BRINP3: variants seen among roughly 807,000 people sequenced by gnomAD.
BRINP3 encodes the protein BMP/retinoic acid inducible neural specific 3.
A neutral mutation model predicts 71.0 loss-of-function variants in BRINP3; 19 were observed. That is an observed-to-expected ratio of 0.27 (90% CI 0.19 to 0.39). The LOEUF (loss-of-function observed/expected upper bound fraction) is 0.39, where lower values mean the gene tolerates loss of function less well. Ranked by LOEUF, BRINP3 falls within the 10% of genes least tolerant of loss-of-function variation. The pLI is 1.00. For synonymous variants in BRINP3, 380 were observed against 337.7 expected, an observed-to-expected ratio of 1.13 and a Z score of -1.37; for missense variants, 959 against 940.8, an observed-to-expected ratio of 1.02 and a Z score of -0.25.
chr1:190,310,603 A>C (rs1214005262), intron 2 of BRINP3, among the ~76,000 whole-genome samples: 1 of 151,716 alleles, frequency 6.6e-6, no homozygotes, highest in Non-Finnish European at 1.5e-5. Context: ...GTTATGGCCA[A>C]CTTAATGCAT....
intron 2 of BRINP3, among the ~76,000 whole-genome samples, chr1:190,382,181 GA>G (rs60466724): frequency 0.37 from 54,943 of 150,026 alleles, 10,999 homozygotes; most frequent in Admixed American, 0.48. Flanking sequence ...TACAAAATCA[GA>G]AAAAAAAAAT....
intron 4 of BRINP3, among the ~76,000 whole-genome samples, chr1:190,245,434 G>C (rs543907677): frequency 2.0e-5 from 3 of 151,684 alleles, no homozygotes; most frequent in African/African-American, 7.2e-5. Context: ...AATTCTAAGT[G>C]CCAGGGGAAA....
chr1:190,320,689 A>T (rs1666179552), intron 2 of BRINP3, among the ~76,000 whole-genome samples: 2 of 151,864 alleles, frequency 1.3e-5, no homozygotes, highest in Admixed American at 6.6e-5. Context: ...ACACACACAC[A>T]CACTCACTCA....
At chr1:190,434,732 G>C (rs1339920287) in intron 2 of BRINP3, among the ~76,000 whole-genome samples, 1 of 151,884 alleles carries the variant, frequency 6.6e-6, no homozygotes, top group Admixed American at 6.6e-5. Flanking sequence ...TCAGTTCCTG[G>C]AATATGAACA....
At chr1:190,141,863 C>T (rs1437978437) in intron 7 of BRINP3, among the ~76,000 whole-genome samples, 1 of 151,804 alleles carries the variant, frequency 6.6e-6, no homozygotes, top group East Asian at 1.9e-4. Context: ...TAGCCTTAAT[C>T]CTCATTATTT....
chr1:190,375,644 C>G (rs1431468477), intron 2 of BRINP3, among the ~76,000 whole-genome samples: 3 of 151,896 alleles, frequency 2.0e-5, no homozygotes, highest in Non-Finnish European at 4.4e-5. Context: ...GTCACAAGTT[C>G]ATCACCTCAT....
At chr1:190,448,465 GT>G (rs781272747) in intron 2 of BRINP3, among the ~76,000 whole-genome samples, 14,642 of 135,260 alleles carry the variant, frequency 0.11, 807 homozygotes, top group Non-Finnish European at 0.12. Flanking sequence ...CTTGGGGTTT[GT>G]GTGTGTGTGT....
chr1:190,296,479 T>C (rs1377873636), intron 2 of BRINP3, among the ~76,000 whole-genome samples: 1 of 152,138 alleles, frequency 6.6e-6, no homozygotes, highest in East Asian at 1.9e-4. Context: ...TGGTGAAAAA[T>C]GAAAAGCTTT....
chr1:190,224,660 C>A (rs182725972), intron 6 of BRINP3, among the ~76,000 whole-genome samples: 1 of 151,924 alleles, frequency 6.6e-6, no homozygotes, highest in Admixed American at 6.6e-5. Context: ...TAAAAAGCCT[C>A]TGTACAGTAA....
chr1:190,200,235 C>T (rs1355690649), intron 6 of BRINP3, among the ~76,000 whole-genome samples: 1 of 152,058 alleles, frequency 6.6e-6, no homozygotes, highest in Non-Finnish European at 1.5e-5. Flanking sequence ...TGGCTACTAG[C>T]ACCTCTTCCT....
intron 1 of BRINP3, among the ~76,000 whole-genome samples, chr1:190,456,288 T>A (rs1481637296): frequency 6.6e-6 from 1 of 152,182 alleles, no homozygotes; most frequent in Non-Finnish European, 1.5e-5. Flanking sequence ...ACTCTTAATA[T>A]CACGATATCC....
chr1:190,112,492 C>T (rs1036983181), intron 7 of BRINP3, among the ~76,000 whole-genome samples: 4 of 152,134 alleles, frequency 2.6e-5, no homozygotes, highest in Non-Finnish European at 2.9e-5. Context: ...GTAGTATAGC[C>T]TCTATCTTTC....
intron 5 of BRINP3, among the ~76,000 whole-genome samples, chr1:190,229,612 G>C (rs1000838851): frequency 2.7e-5 from 4 of 148,274 alleles, no homozygotes; most frequent in Admixed American, 1.4e-4. Flanking sequence ...TACTAGATGA[G>C]CTACATACCC....
At chr1:190,327,133 T>G (rs1223978416) in intron 2 of BRINP3, among the ~76,000 whole-genome samples, 5 of 150,900 alleles carry the variant, frequency 3.3e-5, no homozygotes, top group Non-Finnish European at 7.4e-5. Context: ...TTGGCCAATA[T>G]GGAGAAGCCC....
chr1:190,248,054 C>T (rs971397045), intron 4 of BRINP3, among the ~76,000 whole-genome samples: 8 of 151,690 alleles, frequency 5.3e-5, no homozygotes, highest in Non-Finnish European at 1.0e-4. Context: ...CCCCTCTTTG[C>T]ATGGTTTCTT....
intron 6 of BRINP3, among the ~76,000 whole-genome samples, chr1:190,208,663 T>A (rs1655725644): frequency 6.6e-6 from 1 of 151,738 alleles, no homozygotes; most frequent in African/African-American, 2.4e-5. Context: ...CCCAGCTAAT[T>A]TTTGTATTTT....
At chr1:190,457,063 A>G (rs975888051) in intron 1 of BRINP3, among the ~76,000 whole-genome samples, 7 of 152,280 alleles carry the variant, frequency 4.6e-5, no homozygotes, top group African/African-American at 1.4e-4. Context: ...AACAACCAAT[A>G]TAGCAAATTA....
In BRINP3 at chr1:190,099,821, GGTAA is replaced by G. The variant is rs1651540017; in HGVS notation, c.1185-691_1185-688del. On this transcript the variant is annotated intron_variant, in intron 7 of 7. Transcript: ENST00000367462. The stretch of plus-strand genomic sequence containing the variant: ...AAATCAACAAGCTCCTTCAATAAGG[GGTAA>G]GTGTGTTAGTTTAATGTGTTTGATT... 2.0e-5 allele frequency among the ~76,000 whole-genome samples: 3 copies of G among 152,168 alleles called. No homozygotes were observed. The South Asian group carries it at 6.2e-4, about 32-fold the overall frequency.
Position 190,403,485 on chromosome 1 carries a change from G to A in BRINP3, c.236+51170C>T, listed in dbSNP as rs949604557. On this transcript the variant is annotated intron_variant, in intron 2 of 7. Transcript: ENST00000367462. Reference sequence around the variant, plus strand: ...GGCAACATTATGTATTGAAAAAGAGGTGCCAAAATAGCATTATCTTAGATA... The same window carrying A: ...GGCAACATTATGTATTGAAAAAGAGATGCCAAAATAGCATTATCTTAGATA... 3.4e-4 allele frequency among the ~76,000 whole-genome samples: 51 copies of A among 152,118 alleles called. 3 individuals carry two copies. Among genetic ancestry groups the A allele is most frequent in the Non-Finnish European group, 1.5e-5 (1 of 68,022 alleles).
Sources: allele counts gnomAD v4.1 joint callset (sites outside exome capture counted in the v4.1 genomes callset), GRCh38; gene constraint gnomAD v4.1.1; transcripts MANE v1.5; gene names NCBI Gene and HGNC (gene_info 2026-07-23, HGNC 2026-07-21).